Variants in LONRF1 observed in about 807,000 individuals in gnomAD.
The protein encoded by LONRF1 is LON peptidase N-terminal domain and ring finger 1.
In LONRF1, 37 loss-of-function variants were observed where a neutral mutation model predicts 85.8. The observed-to-expected ratio is 0.43, with a 90% CI of 0.33 to 0.57. The LOEUF is 0.57. Among genes scored for constraint, LONRF1 ranks in the 20% least tolerant of loss-of-function variants. The pLI, the probability that LONRF1 is intolerant of heterozygous loss-of-function variation, is 0.04. For synonymous variants in LONRF1, 517 were observed against 390.1 expected, an observed-to-expected ratio of 1.33 and a Z score of -3.83; for missense variants, 1,036 against 978.0, an observed-to-expected ratio of 1.06 and a Z score of -0.79.
Position 12,737,116 on chromosome 8 carries a change from A to G in LONRF1, c.1138T>C (p.Ser380Pro), listed in dbSNP as rs767514045. The G allele has an allele frequency of 6.2e-7, 1 of 1,612,802 alleles. No individual in the cohort carries two copies. The highest frequency in any genetic ancestry group is 8.5e-7 in the Non-Finnish European group (1 of 1,179,438). ...KQSEEIPEVT[S>P]EPVKGSLNRA... ...TTTAAGCTTCCTTTGACAGGCTCTG[A>G]AGTGACCTCTGGTATTTCTTCACTC... is the stretch of plus-strand genomic sequence containing the variant. Residue 380 changes from serine to proline, a missense_variant, in exon 5 of 12, where the codon TCA becomes CCA. By Grantham distance (74) the Ser-to-Pro change is moderately conservative (BLOSUM62 -1). Coordinates refer to ENST00000398246, the MANE Select transcript of LONRF1 (RefSeq NM_152271.5).
chr8:12,753,688 A>T (rs571723433), intron 1 of LONRF1: 14 of 151,704 alleles, frequency 9.2e-5, no homozygotes, highest in African/African-American at 3.1e-4. Flanking sequence ...ATATAGAACA[A>T]CTCTTCCTTT....
At chr8:12,738,602 C>G (rs941611719) in intron 3 of LONRF1, 2 of 152,332 alleles carry the variant, frequency 1.3e-5, no homozygotes. Context: ...CCTGTACTTA[C>G]ACTCAATTTA....
chr8:12,737,716 T>C (rs1452252653), intron 4 of LONRF1, among the ~76,000 whole-genome samples: 2 of 152,182 alleles, frequency 1.3e-5, no homozygotes, highest in African/African-American at 2.4e-5. Flanking sequence ...ATAACACAGC[T>C]GTTACTACCC....
intron 1 of LONRF1, among the ~76,000 whole-genome samples, chr8:12,749,824 A>G (rs1447145553): frequency 1.3e-5 from 2 of 152,230 alleles, no homozygotes; most frequent in African/African-American, 4.8e-5. Context: ...CCAATTAAGC[A>G]GTAAACCCCA....
intron 7 of LONRF1, among the ~76,000 whole-genome samples, chr8:12,732,087 G>A (rs1042556772): frequency 2.0e-5 from 3 of 152,224 alleles, no homozygotes; most frequent in South Asian, 2.1e-4. Context: ...GCCCTGTACA[G>A]AAGAACTGCT....
chr8:12,743,446 C>G (rs998341335), intron 1 of LONRF1, among the ~76,000 whole-genome samples, 164 bp from the exon 2 acceptor site: 5 of 152,108 alleles, frequency 3.3e-5, no homozygotes, highest in Non-Finnish European at 7.4e-5. Flanking sequence ...ACCCATTTTA[C>G]GTGTTGAATC....
At chr8:12,753,083 A>T (rs1274670976) in intron 1 of LONRF1, 2 of 152,060 alleles carry the variant, frequency 1.3e-5, no homozygotes, top group Non-Finnish European at 2.9e-5. Flanking sequence ...CTCTTTATTC[A>T]CCCAGAGAAG....
At chr8:12,752,604 A>T (rs1480620358) in intron 1 of LONRF1, among the ~76,000 whole-genome samples, 1 of 152,226 alleles carries the variant, frequency 6.6e-6, no homozygotes, top group Admixed American at 6.5e-5. Flanking sequence ...TGTGCAATCT[A>T]TGCAACTTGA....
At position 12,737,051 on chromosome 8, in the gene LONRF1, C is replaced by G; in HGVS notation, c.1203G>C (p.Met401Ile). Residue 401 changes from methionine to isoleucine, a missense_variant, in exon 5 of 12, where the codon ATG (methionine) becomes ATC (isoleucine). Met to Ile is a conservative substitution (Grantham distance 10). Coordinates refer to ENST00000398246, the MANE Select transcript of LONRF1 (RefSeq NM_152271.5). ...QSAQSINSTE[M>I]PAREDCLKRV... ...TTTTTAAACAGTCCTCTCTGGCAGG[C>G]ATTTCTGTTGAATTTATAGACTGTG... is the stretch of plus-strand genomic sequence containing the variant. 1 of 1,613,668 alleles carries G rather than the reference C, an allele frequency of 6.2e-7. No individual in the cohort carries two copies. The highest frequency in any genetic ancestry group is 1.7e-5 in the Admixed American group (1 of 59,978).
intron 8 of LONRF1, among the ~76,000 whole-genome samples, chr8:12,730,541 C>T (rs1054296552): frequency 7.2e-5 from 11 of 152,202 alleles, no homozygotes; most frequent in East Asian, 5.8e-4. Flanking sequence ...CTCTCCAATG[C>T]GCAGCTCTCT....
At chr8:12,736,639 A>G in intron 6 of LONRF1, 62 bp downstream of exon 6, 4 of 1,097,914 alleles carry the variant, frequency 3.6e-6, no homozygotes, top group Non-Finnish European at 5.3e-6. Flanking sequence ...ACCTTTATCT[A>G]CACGGTATTT....
At chr8:12,744,655 C>T (rs549029021) in intron 1 of LONRF1, among the ~76,000 whole-genome samples, 7 of 152,248 alleles carry the variant, frequency 4.6e-5, no homozygotes, top group African/African-American at 1.7e-4. Flanking sequence ...TCAAGTACAA[C>T]TGGAGGTGAG....
At chr8:12,753,885 TGG>T (rs1373229435) in intron 1 of LONRF1, 1 of 151,576 alleles carries the variant, frequency 6.6e-6, no homozygotes, top group East Asian at 1.9e-4. Flanking sequence ...CAGAGAACTA[TGG>T]ATCAGGCAGC....
chr8:12,731,016 A>G (rs552938817), intron 8 of LONRF1, among the ~76,000 whole-genome samples: 1 of 152,340 alleles, frequency 6.6e-6, no homozygotes, highest in African/African-American at 2.4e-5. Flanking sequence ...AAACCCGTTA[A>G]TAAAATTTAA....
At position 12,755,322 on chromosome 8, in the gene LONRF1, G is replaced by A; in HGVS notation, c.99C>T (p.Gly33=). 2 of 1,254,836 alleles carry A rather than the reference G, an allele frequency of 1.6e-6. No individual in the cohort carries two copies. The highest frequency in any genetic ancestry group is 1.0e-6 in the Non-Finnish European group (1 of 995,280). 77.7% of individuals were successfully genotyped at this position (1,254,836 alleles called of 1,614,324 possible). ...CCGCGCGCTCCAGCCGATGGCCGCT[G>A]CCGCCGCCCACTTCCCAGAACCGGC... ...GRGRFWEVGG[G]SGHRLERAAA... Residue 33 remains glycine (G), a synonymous_variant, in exon 1 of 12, where the codon GGC becomes GGT. Coordinates refer to ENST00000398246, the MANE Select transcript of LONRF1 (RefSeq NM_152271.5).
intron 1 of LONRF1, among the ~76,000 whole-genome samples, chr8:12,744,873 TTTA>T (rs1046921028): frequency 2.5e-4 from 11 of 43,212 alleles, no homozygotes; most frequent in Admixed American, 1.5e-3. Flanking sequence ...TTCTTGGATT[TTTA>T]TTTTTTTTAA....
intron 10 of LONRF1, among the ~76,000 whole-genome samples, chr8:12,728,514 A>C (rs1798405972): frequency 6.6e-6 from 1 of 152,230 alleles, no homozygotes; most frequent in African/African-American, 2.4e-5. Flanking sequence ...AACTACTAAT[A>C]CATTCAATAA....
At chr8:12,727,212 A>G (rs1798345845) in intron 10 of LONRF1, 1 of 149,534 alleles carries the variant, frequency 6.7e-6, no homozygotes. Context: ...AATGATAACA[A>G]TTATAAGCGT....
Position 12,755,268 on chromosome 8 carries a change from C to A in LONRF1, c.153G>T (p.Leu51=). Residue 51 remains leucine (L), a synonymous_variant, in exon 1 of 12, where the codon CTG becomes CTT. Transcript: ENST00000398246. ...AAAESERWEL[L]LRRGELLALG... is the part of the protein sequence containing the mutation. ...GCGCCAGCAGCTCCCCGCGGCGGAG[C>A]AGCAGCTCCCAGCGCTCCGACTCCG... The A allele has an allele frequency of 8.1e-7, 1 of 1,236,924 alleles. No homozygotes were observed. The highest frequency in any genetic ancestry group is 1.6e-5 in the African/African-American group (1 of 63,444). The allele number at this position is 1,236,924 out of a possible 1,614,324, so 76.6% of individuals were successfully genotyped here.
Sources: gnomAD v4.1 joint callset for allele counts (sites outside exome capture counted in the v4.1 genomes callset) on GRCh38, gnomAD v4.1.1 for gene constraint, MANE v1.5 for transcripts, NCBI Gene and HGNC (gene_info 2026-07-23, HGNC 2026-07-21) for gene names.